TUNAR: variants seen among roughly 807,000 people sequenced by gnomAD.
TUNAR encodes the protein transmembrane neural differentiation associated intracellular calcium regulator.
chr14:95,894,141 G>A lies in TUNAR; in HGVS notation c.12+16964G>A, dbSNP rs74747553. On this transcript the variant is annotated intron_variant, in intron 2 of 2. Transcript: ENST00000678517. The stretch of plus-strand genomic sequence containing the variant: ...CCAAGCTGGGTTAGCGTCTGGCTTC[G>A]AGCACTGGTTTAAGGTGAGCATTAA... Among the ~76,000 whole-genome samples the A allele has an allele frequency of 3.3e-3, 497 of 152,366 alleles. 4 individuals are homozygous for A. The highest frequency in any genetic ancestry group is 0.011 in the African/African-American group (465 of 41,592).
chr14:95,923,908 T>C (rs932689042), exon 3 of TUNAR: 1 of 152,208 alleles, frequency 6.6e-6, no homozygotes, highest in Non-Finnish European at 1.5e-5. Context: ...GAATTATGCA[T>C]GAATAAGGGC....
At chr14:95,912,790 T>C (rs961042009) in intron 2 of TUNAR, among the ~76,000 whole-genome samples, 1 of 152,028 alleles carries the variant, frequency 6.6e-6, no homozygotes, top group African/African-American at 2.4e-5. Context: ...TTCCTTTTTT[T>C]CTTTTTTTTT....
exon 3 of TUNAR, chr14:95,924,016 T>C (rs144622343): frequency 1.2e-4 from 19 of 152,356 alleles, no homozygotes; most frequent in African/African-American, 3.1e-4. Flanking sequence ...ATTCAGCTTC[T>C]TACCGGCAGC....
intron 2 of TUNAR, among the ~76,000 whole-genome samples, chr14:95,903,914 G>A (rs1385845770): frequency 1.3e-5 from 2 of 152,200 alleles, no homozygotes; most frequent in Non-Finnish European, 2.9e-5. Flanking sequence ...AGGGGAGTTG[G>A]ATACTGGCAT....
chr14:95,900,049 A>G (rs1214801128), intron 2 of TUNAR, among the ~76,000 whole-genome samples: 1 of 152,228 alleles, frequency 6.6e-6, no homozygotes, highest in African/African-American at 2.4e-5. Context: ...ATGCTCCTTA[A>G]ATCACATGGA....
chr14:95,894,179 T>G (rs1889223007), intron 2 of TUNAR, among the ~76,000 whole-genome samples: 1 of 152,238 alleles, frequency 6.6e-6, no homozygotes, highest in Admixed American at 6.5e-5. Context: ...TCCCGTGGGA[T>G]GTTGAGAGTG....
intron 2 of TUNAR, among the ~76,000 whole-genome samples, chr14:95,913,960 T>G (rs1015774265): frequency 3.3e-5 from 5 of 152,244 alleles, no homozygotes; most frequent in Admixed American, 1.3e-4. Flanking sequence ...CTCGATCACT[T>G]GACCTTGTGA....
intron 2 of TUNAR, among the ~76,000 whole-genome samples, chr14:95,894,484 C>T (rs577601498): frequency 1.3e-5 from 2 of 152,278 alleles, no homozygotes; most frequent in East Asian, 3.9e-4. Context: ...GAGAGATTCA[C>T]ACGTGAGGAT....
At chr14:95,879,580 T>C (rs556391183) in intron 2 of TUNAR, among the ~76,000 whole-genome samples, 6 of 152,366 alleles carry the variant, frequency 3.9e-5, no homozygotes, top group Admixed American at 3.9e-4. Flanking sequence ...AAAACATTAC[T>C]CTTGTTACTG....
At chr14:95,905,550 G>A (rs762049909) in intron 2 of TUNAR, among the ~76,000 whole-genome samples, 4 of 152,158 alleles carry the variant, frequency 2.6e-5, no homozygotes, top group Admixed American at 6.5e-5. Flanking sequence ...GCCCCCTATC[G>A]GGATTCATGG....
chr14:95,889,710 G>A (rs528742587), intron 2 of TUNAR, among the ~76,000 whole-genome samples: 3 of 152,234 alleles, frequency 2.0e-5, no homozygotes, highest in South Asian at 2.1e-4. Flanking sequence ...CCACGGAGCC[G>A]TCACCCCTGT....
chr14:95,905,171 G>A (rs1190899478), intron 2 of TUNAR, among the ~76,000 whole-genome samples: 1 of 152,162 alleles, frequency 6.6e-6, no homozygotes, highest in African/African-American at 2.4e-5. Flanking sequence ...CGCACCCAGT[G>A]GCCCCTCCCG....
chr14:95,921,115 G>C (rs778871387), intron 2 of TUNAR, among the ~76,000 whole-genome samples: 1 of 152,164 alleles, frequency 6.6e-6, no homozygotes, highest in Non-Finnish European at 1.5e-5. Flanking sequence ...CAGCCTTTTT[G>C]TTTCATTCGG....
At chr14:95,910,442 A>C (rs537509066) in intron 2 of TUNAR, among the ~76,000 whole-genome samples, 1 of 152,258 alleles carries the variant, frequency 6.6e-6, no homozygotes, top group Non-Finnish European at 1.5e-5. Context: ...TTTATTAATT[A>C]GTAGCTATGA....
At chr14:95,878,500 A>G (rs776491017) in intron 2 of TUNAR, among the ~76,000 whole-genome samples, 5 of 152,128 alleles carry the variant, frequency 3.3e-5, no homozygotes, top group African/African-American at 4.8e-5. Flanking sequence ...CTCTGTTAGT[A>G]AAGAGCAAGG....
chr14:95,924,556 T>TA (rs1207049608), exon 3 of TUNAR: 2 of 152,344 alleles, frequency 1.3e-5, no homozygotes, highest in African/African-American at 4.8e-5. Flanking sequence ...TTATTGGACT[T>TA]ACAGTTCCAC....
exon 3 of TUNAR, chr14:95,923,286 T>C (rs1889727833): frequency 4.4e-6 from 1 of 227,836 alleles, no homozygotes; most frequent in Non-Finnish European, 8.5e-6. Flanking sequence ...AAATTCATTA[T>C]TCCAGATCGC....
Position 95,896,129 on chromosome 14 carries a change from G to A in TUNAR, c.12+18952G>A, listed in dbSNP as rs538715057. ...GAGTAATAGAGTGGATATTCAAACC[G>A]GCCTTCTCGCTGGCCCCACTCCTGT... On this transcript the variant is annotated intron_variant, in intron 2 of 2. Coordinates refer to ENST00000678517, the Ensembl canonical transcript of TUNAR. Among the ~76,000 whole-genome samples the A allele has an allele frequency of 1.1e-4, 17 of 152,240 alleles. No individual in the cohort carries two copies. In the South Asian group the frequency reaches 1.9e-3, roughly 17 times the overall value.
Position 95,877,194 on chromosome 14 carries a change from G to C in TUNAR, c.12+17G>C, listed in dbSNP as rs968090840. The C allele has an allele frequency of 2.0e-5, 3 of 152,274 alleles. No homozygotes were observed. The highest frequency in any genetic ancestry group is 4.4e-5 in the Non-Finnish European group (3 of 68,100). The allele number at this position is 152,274 out of a possible 1,614,324, so 9.4% of individuals were successfully genotyped here. A position where few individuals can be genotyped will look rare whatever the true frequency, so the allele number is the denominator to read the frequency against. On this transcript the variant is annotated intron_variant, in intron 2 of 2. Coordinates refer to ENST00000678517, the Ensembl canonical transcript of TUNAR. Reference sequence around the variant, plus strand: ...CGCTTCTCGGTAAGCCAGGCCCTCCGCCTCGCGAACAAAGCTCCCTTCGCA... The same window carrying C: ...CGCTTCTCGGTAAGCCAGGCCCTCCCCCTCGCGAACAAAGCTCCCTTCGCA...
Sources: allele counts gnomAD v4.1 joint callset (sites outside exome capture counted in the v4.1 genomes callset), GRCh38; gene constraint gnomAD v4.1.1; transcripts MANE v1.5; gene names NCBI Gene and HGNC (gene_info 2026-07-23, HGNC 2026-07-21).